The following TOGARAM1 variants were observed in gnomAD, a reference collection of about 807,000 sequenced individuals.
TOGARAM1 encodes TOG array regulator of axonemal microtubules protein 1.
TOGARAM1 carries 100 observed loss-of-function variants against 166.6 expected under a neutral mutation model. The ratio of observed to expected loss-of-function variants is 0.60; its 90% CI spans 0.51 to 0.71. The LOEUF is 0.71. Among genes scored for constraint, TOGARAM1 ranks in the 30% least tolerant of loss-of-function variants. The probability of loss-of-function intolerance (pLI) is 0.00; values close to 1 mark genes in which losing one functional copy is unlikely to be tolerated. For missense variants in TOGARAM1, 2,029 were observed against 2,102.7 expected (o/e 0.96, Z 0.69); for synonymous variants, 758 against 763.8 (o/e 0.99, Z 0.13).
chr14:44,977,275 C>T (rs972194556), intron 1 of TOGARAM1, among the ~76,000 whole-genome samples: 1 of 138,444 alleles, frequency 7.2e-6, no homozygotes, highest in African/African-American at 2.8e-5. Flanking sequence ...TGCTCTGTTG[C>T]CCAGGCTGGA....
chr14:44,986,984 G>C (rs185900235), intron 1 of TOGARAM1, among the ~76,000 whole-genome samples: 1 of 142,210 alleles, frequency 7.0e-6, no homozygotes, highest in Admixed American at 7.3e-5. Context: ...CAGCCTGGGC[G>C]ACAGAGCGAG....
intron 1 of TOGARAM1, among the ~76,000 whole-genome samples, chr14:44,980,387 G>T (rs1223656353): frequency 6.6e-6 from 1 of 152,202 alleles, no homozygotes; most frequent in Admixed American, 6.5e-5. Flanking sequence ...ATAGTGGCAG[G>T]CCGGGCGGGT....
At chr14:44,966,027 A>G (rs1885514368) in intron 1 of TOGARAM1, among the ~76,000 whole-genome samples, 1 of 151,206 alleles carries the variant, frequency 6.6e-6, no homozygotes, top group African/African-American at 2.4e-5. Context: ...GGCTCCCACC[A>G]CCACGCCCAG....
At chr14:45,064,841 T>A (rs922805782) in intron 16 of TOGARAM1, among the ~76,000 whole-genome samples, 1 of 152,212 alleles carries the variant, frequency 6.6e-6, no homozygotes, top group African/African-American at 2.4e-5. Flanking sequence ...TTTCTGTTTC[T>A]TTTTCTTCTT....
At chr14:45,054,339 T>C in intron 15 of TOGARAM1, 92 bp from the exon 16 acceptor site, 1 of 752,304 alleles carries the variant, frequency 1.3e-6, no homozygotes, top group Non-Finnish European at 2.1e-6. Flanking sequence ...TCTTAAAAAA[T>C]CAATGATGCC....
At chr14:45,064,548 G>T (rs943077706) in intron 16 of TOGARAM1, among the ~76,000 whole-genome samples, 7 of 152,076 alleles carry the variant, frequency 4.6e-5, no homozygotes, top group Non-Finnish European at 8.8e-5. Context: ...ATGGCTCACT[G>T]CAGCCTCGAC....
At chr14:45,045,583 A>ATGTG (rs1200414644) in intron 13 of TOGARAM1, among the ~76,000 whole-genome samples, 52 of 37,468 alleles carry the variant, frequency 1.4e-3, no homozygotes, top group Non-Finnish European at 1.7e-3. Flanking sequence ...ATATATATAT[A>ATGTG]TGTGTGTGTG....
Position 45,066,669 on chromosome 14 carries a change from T to G in TOGARAM1, c.4651T>G (p.Leu1551Val). Residue 1551 changes from leucine to valine, a missense_variant, in exon 17 of 20, where the codon TTA (leucine) becomes GTA (valine). Leu to Val is a conservative substitution (Grantham distance 32). Coordinates refer to ENST00000361462, the MANE Select transcript of TOGARAM1 (RefSeq NM_001308120.2). The stretch of plus-strand genomic sequence containing the variant: ...GTACCTTAAACTCATAACTGGCTTA[T>G]TAAATGCAAAAGACTTTCGTGATCG... ...AEYLKLITGL[L>V]NAKDFRDRIN... is the part of the protein sequence containing the mutation. The G allele has an allele frequency of 6.2e-7, 1 of 1,614,024 alleles. No homozygotes were observed. Among genetic ancestry groups the G allele is most frequent in the Non-Finnish European group, 8.5e-7 (1 of 1,179,880 alleles).
chr14:44,973,624 C>G (rs1886022455), intron 1 of TOGARAM1, among the ~76,000 whole-genome samples: 1 of 151,308 alleles, frequency 6.6e-6, no homozygotes, highest in Non-Finnish European at 1.5e-5. Context: ...ATATCTCTCT[C>G]CAGGTTTTTG....
rs117182106 is a variant in TOGARAM1, at chr14:45,072,076, A to T, written c.5056+278A>T. On this transcript the variant is annotated intron_variant, in intron 19 of 19. Coordinates refer to ENST00000361462, the MANE Select transcript of TOGARAM1 (RefSeq NM_001308120.2). ...CCAGTCACCACTTGGAAAATTGAGT[A>T]ACAAGGATGAGGTGCAGTGGAAGGA... Among the ~76,000 whole-genome samples, 1,305 of 152,320 alleles carry T rather than the reference A, an allele frequency of 8.6e-3. 16 individuals are homozygous for T. Among genetic ancestry groups the T allele is most frequent in the South Asian group, 0.028 (136 of 4,828 alleles).
intron 10 of TOGARAM1, among the ~76,000 whole-genome samples, chr14:45,031,565 T>C (rs538440474): frequency 5.2e-4 from 79 of 152,346 alleles, no homozygotes; most frequent in African/African-American, 1.8e-3. Context: ...AACAGGTATA[T>C]ATCCACATTT....
chr14:45,035,362 T>TA (rs879396379), intron 11 of TOGARAM1, among the ~76,000 whole-genome samples: 125 of 133,448 alleles, frequency 9.4e-4, no homozygotes, highest in East Asian at 5.5e-3. Context: ...CTGTCTCAAG[T>TA]AAAAAAAAAA....
intron 18 of TOGARAM1, 98 bp from the exon 19 acceptor site, chr14:45,071,614 T>A: frequency 1.3e-6 from 1 of 747,272 alleles, no homozygotes; most frequent in Non-Finnish European, 2.2e-6. Context: ...ATTTGCATCC[T>A]AGAAGTGATT....
chr14:45,048,369 G>T (rs1882191622), intron 14 of TOGARAM1, among the ~76,000 whole-genome samples: 1 of 139,502 alleles, frequency 7.2e-6, no homozygotes, highest in Non-Finnish European at 1.6e-5. Context: ...GAGTCATAAA[G>T]ATTAAAGTAA....
At position 45,052,611 on chromosome 14, in the gene TOGARAM1, T is replaced by A. The variant is rs753391785; in HGVS notation, c.4440+49T>A. On this transcript the variant is annotated intron_variant, in intron 15 of 19. Transcript: ENST00000361462. Reference sequence around the variant, plus strand: ...TAAACAGCTTTATAAGCAAAGCTTGTTTTTACATCCAGGTAAAGGATAGGA... The same window carrying A: ...TAAACAGCTTTATAAGCAAAGCTTGATTTTACATCCAGGTAAAGGATAGGA... 4.0e-6 allele frequency: 6 copies of A among 1,518,886 alleles called. No individual in the cohort carries two copies. The South Asian group carries it at 7.5e-5, about 19-fold the overall frequency. The allele number at this position is 1,518,886 out of a possible 1,614,324, so 94.1% of individuals were successfully genotyped here. A position where few individuals can be genotyped will look rare whatever the true frequency, so the allele number is the denominator to read the frequency against.
chr14:45,073,490 G>T lies in TOGARAM1; in HGVS notation c.5251G>T (p.Ala1751Ser). 6.2e-7 allele frequency: 1 copy of T among 1,614,054 alleles called. No homozygotes were observed. Among genetic ancestry groups the T allele is most frequent in the East Asian group, 2.2e-5 (1 of 44,870 alleles). ...QMGQNLLNQA[A>S]SQPPHIKKSL... ...GGGTCAGAATCTGTTAAATCAGGCT[G>T]CATCTCAACCACCACATATCAAAAA... Residue 1751 changes from alanine (A) to serine (S), a missense_variant, in exon 20 of 20, where the codon GCA becomes TCA. Coordinates refer to ENST00000361462, the MANE Select transcript of TOGARAM1 (RefSeq NM_001308120.2).
At chr14:45,058,331 A>G (rs73353657) in intron 16 of TOGARAM1, among the ~76,000 whole-genome samples, 17,294 of 150,970 alleles carry the variant, frequency 0.11, 1,405 homozygotes, top group African/African-American at 0.23. Flanking sequence ...GTCTCACACA[A>G]TTGCCCAAGC....
At chr14:45,024,184 T>TTGTATGTGAAG (rs1477893707) in intron 7 of TOGARAM1, among the ~76,000 whole-genome samples, 1 of 152,216 alleles carries the variant, frequency 6.6e-6, no homozygotes, top group Admixed American at 6.5e-5. Context: ...AGGACCTAGG[T>TTGTATGTGAAG]GCCCTTTCCT....
chr14:45,005,748 T>C (rs1007228248), intron 4 of TOGARAM1, among the ~76,000 whole-genome samples: 8 of 152,264 alleles, frequency 5.3e-5, no homozygotes, highest in Admixed American at 5.2e-4. Flanking sequence ...GTTCAATTTA[T>C]GGCATATTCA....
Sources: gnomAD v4.1 joint callset for allele counts (sites outside exome capture counted in the v4.1 genomes callset) on GRCh38, gnomAD v4.1.1 for gene constraint, MANE v1.5 for transcripts, NCBI Gene and HGNC (gene_info 2026-07-23, HGNC 2026-07-21) for gene names.